The following PPFIA2 variants were observed in gnomAD, a reference collection of about 807,000 sequenced individuals.
PPFIA2 encodes the protein liprin-alpha-2.
Under a neutral mutation model 175.5 loss-of-function variants are expected in PPFIA2, and 46 were observed. The observed-to-expected ratio is 0.26, with a 90% confidence interval of 0.21 to 0.34. PPFIA2 has a LOEUF of 0.34. PPFIA2 is among the 10% of genes least tolerant of loss of function. PPFIA2 has a pLI of 1.00. For synonymous variants in PPFIA2, 568 were observed against 511.4 expected (o/e 1.11, Z -1.49); for missense variants, 1,179 against 1,506.1 (o/e 0.78, Z 3.60).
intron 8 of PPFIA2, among the ~76,000 whole-genome samples, chr12:81,392,862 T>C (rs1288350826): frequency 2.0e-5 from 3 of 151,834 alleles, no homozygotes; most frequent in Non-Finnish European, 4.4e-5. Context: ...AACGGTGGAG[T>C]CATCCTTGAG....
intron 8 of PPFIA2, among the ~76,000 whole-genome samples, chr12:81,394,225 G>A (rs2040669821): frequency 6.6e-6 from 1 of 151,930 alleles, no homozygotes; most frequent in African/African-American, 2.4e-5. Flanking sequence ...AGATAACTTA[G>A]GCAGAACAAC....
At chr12:81,349,042 A>C (rs1036533343) in intron 17 of PPFIA2, among the ~76,000 whole-genome samples, 2 of 152,162 alleles carry the variant, frequency 1.3e-5, no homozygotes, top group African/African-American at 4.8e-5. Flanking sequence ...TTATTCGCTA[A>C]ATTTATTCAA....
At chr12:81,523,079 T>TC (rs1194584266) in intron 4 of PPFIA2, among the ~76,000 whole-genome samples, 2 of 152,196 alleles carry the variant, frequency 1.3e-5, no homozygotes, top group African/African-American at 2.4e-5. Context: ...AACCTATGTA[T>TC]GCTAATCTTG....
chr12:81,428,989 T>C (rs1320820836), intron 7 of PPFIA2, among the ~76,000 whole-genome samples: 1 of 152,208 alleles, frequency 6.6e-6, no homozygotes, highest in East Asian at 1.9e-4. Flanking sequence ...TGGCGACTTG[T>C]TTCAATTGTT....
At position 81,263,407 on chromosome 12, in the gene PPFIA2, AAGGT is replaced by A; in HGVS notation, c.3556-21_3556-18del. On this transcript the variant is annotated intron_variant, in intron 30 of 32. Coordinates refer to ENST00000549396, the MANE Select transcript of PPFIA2 (RefSeq NM_003625.5). Reference sequence around the variant, plus strand: ...GTCATCACTCTGCCAGTACAGTTATAAGGTGATGTTATGAAAACAAGTAAACTAG... The same window carrying A: ...GTCATCACTCTGCCAGTACAGTTATAGATGTTATGAAAACAAGTAAACTAG... The A allele has an allele frequency of 6.2e-7, 1 of 1,606,778 alleles. No individual in the cohort carries two copies. The highest frequency in any genetic ancestry group is 8.5e-7 in the Non-Finnish European group (1 of 1,174,122).
chr12:81,672,323 C>G (rs2071575702), intron 4 of PPFIA2, among the ~76,000 whole-genome samples: 1 of 151,868 alleles, frequency 6.6e-6, no homozygotes, highest in African/African-American at 2.4e-5. Flanking sequence ...TTTTTAAACT[C>G]TAAGACCATT....
intron 3 of PPFIA2, among the ~76,000 whole-genome samples, chr12:81,714,229 A>G (rs1478260533): frequency 2.0e-5 from 3 of 151,138 alleles, no homozygotes; most frequent in African/African-American, 4.8e-5. Context: ...ACACACTTTC[A>G]TGCATTCAAT....
chr12:81,611,194 T>G (rs2060869850), intron 4 of PPFIA2, among the ~76,000 whole-genome samples: 1 of 152,064 alleles, frequency 6.6e-6, no homozygotes, highest in Non-Finnish European at 1.5e-5. Context: ...CGGTTTCTTT[T>G]GGTAGGGGTT....
chr12:81,708,153 C>A (rs1421734669), intron 3 of PPFIA2, among the ~76,000 whole-genome samples: 4 of 148,594 alleles, frequency 2.7e-5, no homozygotes, highest in Non-Finnish European at 5.9e-5. Flanking sequence ...GCACATGTAC[C>A]CTAAAACTTA....
intron 4 of PPFIA2, among the ~76,000 whole-genome samples, chr12:81,501,151 T>C (rs1207199373): frequency 6.6e-6 from 1 of 152,212 alleles, no homozygotes; most frequent in African/African-American, 2.4e-5. Context: ...TTCCCTTCCA[T>C]TGATTTTTGT....
chr12:81,477,859 ATTT>A (rs201397878), intron 4 of PPFIA2, among the ~76,000 whole-genome samples: 1 of 146,432 alleles, frequency 6.8e-6, no homozygotes, highest in African/African-American at 2.5e-5. Flanking sequence ...TTGGCCTGAA[ATTT>A]TTTTTTTTTT....
At position 81,458,422 on chromosome 12, in the gene PPFIA2, C is replaced by T. The variant is rs1444168190; in HGVS notation, c.304-556G>A. On this transcript the variant is annotated intron_variant, in intron 4 of 32. Transcript: ENST00000549396. ...TATCTAAGATTTTCTTATTAATTTG[C>T]GTATTGCTCAGTCTTTCTAAAAGGT... 5.3e-5 allele frequency among the ~76,000 whole-genome samples: 8 copies of T among 151,378 alleles called. No individual in the cohort carries two copies. In the East Asian group the frequency reaches 1.4e-3, roughly 26 times the overall value.
chr12:81,539,665 T>C (rs1182418287), intron 4 of PPFIA2, among the ~76,000 whole-genome samples: 2 of 151,852 alleles, frequency 1.3e-5, no homozygotes, highest in Non-Finnish European at 2.9e-5. Flanking sequence ...GAATTTGGGG[T>C]AAAAATTATG....
At chr12:81,408,412 A>G (rs2043304965) in intron 7 of PPFIA2, among the ~76,000 whole-genome samples, 1 of 152,206 alleles carries the variant, frequency 6.6e-6, no homozygotes, top group South Asian at 2.1e-4. Context: ...TTGTTCTATT[A>G]TTAATCTACT....
intron 4 of PPFIA2, among the ~76,000 whole-genome samples, chr12:81,585,207 T>G (rs2075140204): frequency 6.7e-6 from 1 of 149,330 alleles, no homozygotes; most frequent in East Asian, 2.0e-4. Flanking sequence ...AATTGGTGAG[T>G]GAGTGGTTGG....
At chr12:81,525,452 C>T (rs2063626973) in intron 4 of PPFIA2, among the ~76,000 whole-genome samples, 2 of 152,072 alleles carry the variant, frequency 1.3e-5, no homozygotes, top group Non-Finnish European at 2.9e-5. Context: ...GGGAAATATT[C>T]CTGCTGAACT....
chr12:81,537,605 C>G (rs2065592513), intron 4 of PPFIA2, among the ~76,000 whole-genome samples: 1 of 151,816 alleles, frequency 6.6e-6, no homozygotes, highest in African/African-American at 2.4e-5. Context: ...CCTTATAACT[C>G]TTGGTAAACT....
intron 19 of PPFIA2, among the ~76,000 whole-genome samples, chr12:81,342,074 A>T (rs2058191285): frequency 6.6e-6 from 1 of 152,092 alleles, no homozygotes; most frequent in Admixed American, 6.6e-5. Flanking sequence ...GAAAACTGGC[A>T]AAGACATACA....
chr12:81,586,833 T>A (rs2075367587), intron 4 of PPFIA2, among the ~76,000 whole-genome samples: 1 of 151,898 alleles, frequency 6.6e-6, no homozygotes, highest in Non-Finnish European at 1.5e-5. Context: ...TCTCTAAATT[T>A]AAGATAAGCC....
Sources: allele counts gnomAD v4.1 joint callset (sites outside exome capture counted in the v4.1 genomes callset), GRCh38; gene constraint gnomAD v4.1.1; transcripts MANE v1.5; gene names NCBI Gene and HGNC (gene_info 2026-07-23, HGNC 2026-07-21).